The following ADGRG6 variants were observed in gnomAD, a reference collection of about 807,000 sequenced individuals.
The protein encoded by ADGRG6 is G-protein coupled receptor 126.
In ADGRG6, 84 loss-of-function variants were observed where a neutral mutation model predicts 142.4. The ratio of observed to expected loss-of-function variants is 0.59; its 90% CI spans 0.49 to 0.71. ADGRG6 has a LOEUF of 0.71. ADGRG6 is among the 30% of genes least tolerant of loss of function. The pLI, the probability that ADGRG6 is intolerant of heterozygous loss-of-function variation, is 0.00. For synonymous variants in ADGRG6, 521 were observed against 520.5 expected (o/e 1.00, Z -0.01); for missense variants, 1,367 against 1,466.6 (o/e 0.93, Z 1.11).
At chr6:142,333,711 C>T (rs898557864) in intron 2 of ADGRG6, among the ~76,000 whole-genome samples, 2 of 152,104 alleles carry the variant, frequency 1.3e-5, no homozygotes, top group Non-Finnish European at 2.9e-5. Context: ...GGGTTCTTAT[C>T]TTTTCAAGAT....
At chr6:142,338,017 GTTTTTTTT>G (rs1181314373) in intron 2 of ADGRG6, among the ~76,000 whole-genome samples, 2 of 35,392 alleles carry the variant, frequency 5.7e-5, no homozygotes, top group South Asian at 1.3e-3. Context: ...TTGTATCTTT[GTTTTTTTT>G]TTTTTTTTTT....
At chr6:142,304,717 A>T (rs1380126816) in intron 1 of ADGRG6, among the ~76,000 whole-genome samples, 1 of 152,246 alleles carries the variant, frequency 6.6e-6, no homozygotes, top group Non-Finnish European at 1.5e-5. Flanking sequence ...AAGTTTCTAC[A>T]GTCTATTTAG....
chr6:142,346,450 T>A (rs2114748798), intron 2 of ADGRG6, among the ~76,000 whole-genome samples: 1 of 152,320 alleles, frequency 6.6e-6, no homozygotes, highest in African/African-American at 2.4e-5. Context: ...GTGTCTTCTT[T>A]TGAGAAGTAT....
chr6:142,402,673 A>C lies in ADGRG6; in HGVS notation c.1798A>C (p.Asn600His), dbSNP rs1775580653. The change falls in exon 13 of 25, where the codon AAC becomes CAC. Residue 600 changes from asparagine (N) to histidine (H), a missense_variant. Around this residue, in one of 3 missense-constraint regions of ADGRG6, gnomAD observed 737 missense variants for 746.5 expected, o/e 0.99. Transcript: ENST00000367609. The stretch of plus-strand genomic sequence containing the variant: ...TTTAAATTTAACTGCTGATGGGCAG[A>C]ACTTAACCTCAGCCAATATTACCAA... Reference protein sequence around the residue: ...QILNLTADGQNLTSANITNIV... With the variant: ...QILNLTADGQHLTSANITNIV... 4.3e-6 allele frequency: 7 copies of C among 1,610,034 alleles called. No homozygotes were observed. Among genetic ancestry groups the C allele is most frequent in the Non-Finnish European group, 5.9e-6 (7 of 1,177,224 alleles).
At chr6:142,349,015 A>G (rs1232122571) in intron 2 of ADGRG6, among the ~76,000 whole-genome samples, 2 of 152,246 alleles carry the variant, frequency 1.3e-5, no homozygotes, top group Non-Finnish European at 2.9e-5. Flanking sequence ...ATGCCATCAC[A>G]TTTTAAAGCA....
intron 13 of ADGRG6, 126 bp downstream of exon 13, chr6:142,402,956 C>T (rs1583099648): frequency 9.9e-6 from 5 of 504,178 alleles, no homozygotes; most frequent in Non-Finnish European, 1.7e-5. Flanking sequence ...TATTGATAGT[C>T]GTTAATAGTG....
chr6:142,375,563 T>G (rs148947566), intron 4 of ADGRG6, among the ~76,000 whole-genome samples: 1,873 of 152,330 alleles, frequency 0.012, 17 homozygotes, highest in Middle Eastern at 0.099. Flanking sequence ...TTGATAAGTG[T>G]ACCCTGTTAA....
At chr6:142,382,662 A>T (rs1781825940) in intron 5 of ADGRG6, among the ~76,000 whole-genome samples, 2 of 152,178 alleles carry the variant, frequency 1.3e-5, no homozygotes, top group South Asian at 4.1e-4. Context: ...TTATTTTATC[A>T]TTGCTCTTCC....
chr6:142,394,193 A>G (rs1001597296), intron 9 of ADGRG6, among the ~76,000 whole-genome samples: 2 of 152,160 alleles, frequency 1.3e-5, no homozygotes, highest in Non-Finnish European at 2.9e-5. Flanking sequence ...TTTAAAATGG[A>G]TGGATTATTA....
chr6:142,343,211 C>G (rs182459216), intron 2 of ADGRG6, among the ~76,000 whole-genome samples: 170 of 151,680 alleles, frequency 1.1e-3, no homozygotes, highest in Non-Finnish European at 2.1e-4. Context: ...AGTGCCTATG[C>G]ATTTTTCATA....
intron 22 of ADGRG6, among the ~76,000 whole-genome samples, chr6:142,437,109 ATAT>A (rs1206719849): frequency 1.3e-5 from 2 of 152,224 alleles, no homozygotes; most frequent in African/African-American, 2.4e-5. Context: ...TAGGACAAAT[ATAT>A]GGGAAATACT....
At chr6:142,396,196 G>C (rs1004048623) in intron 9 of ADGRG6, among the ~76,000 whole-genome samples, 5 of 152,172 alleles carry the variant, frequency 3.3e-5, no homozygotes, top group Non-Finnish European at 5.9e-5. Context: ...ACCAACTGGA[G>C]TGGCGAAGCT....
intron 2 of ADGRG6, among the ~76,000 whole-genome samples, chr6:142,330,378 C>G (rs972818437): frequency 1.3e-5 from 2 of 152,070 alleles, no homozygotes; most frequent in African/African-American, 4.8e-5. Context: ...AAAAAAAATT[C>G]GGTGGTGAAA....
chr6:142,315,200 A>G (rs923522456), intron 2 of ADGRG6, among the ~76,000 whole-genome samples: 1 of 152,150 alleles, frequency 6.6e-6, no homozygotes, highest in Admixed American at 6.6e-5. Context: ...AGACTTTCGC[A>G]GACACAAAAT....
At chr6:142,379,330 T>G (rs1781645591) in intron 4 of ADGRG6, among the ~76,000 whole-genome samples, 1 of 152,244 alleles carries the variant, frequency 6.6e-6, no homozygotes. Context: ...CTGTCAATCC[T>G]TATTACTTAT....
chr6:142,305,144 A>G (rs143535835), intron 1 of ADGRG6, among the ~76,000 whole-genome samples: 2 of 152,344 alleles, frequency 1.3e-5, no homozygotes, highest in African/African-American at 2.4e-5. Context: ...GGAAATTCAA[A>G]TGAGATGCAA....
chr6:142,329,094 T>C (rs539493273), intron 2 of ADGRG6, among the ~76,000 whole-genome samples: 4 of 152,290 alleles, frequency 2.6e-5, no homozygotes, highest in African/African-American at 9.6e-5. Context: ...TGAAATGCAG[T>C]CATGGTACTT....
intron 2 of ADGRG6, among the ~76,000 whole-genome samples, chr6:142,323,426 G>C (rs1246790931): frequency 6.6e-6 from 1 of 151,948 alleles, no homozygotes; most frequent in Non-Finnish European, 1.5e-5. Flanking sequence ...TATACATTTA[G>C]ATTAAAGCTG....
At chr6:142,409,799 T>C in intron 16 of ADGRG6, 75 bp from the exon 17 acceptor site, 2 of 655,730 alleles carry the variant, frequency 3.1e-6, no homozygotes, top group Non-Finnish European at 5.2e-6. Flanking sequence ...ACCCTTCGTG[T>C]TTTTATTCTT....
Sources: allele counts gnomAD v4.1 joint callset (sites outside exome capture counted in the v4.1 genomes callset), GRCh38; gene constraint gnomAD v4.1.1; regional missense constraint gnomAD v4.1.1; transcripts MANE v1.5; gene names NCBI Gene and HGNC (gene_info 2026-07-23, HGNC 2026-07-21).